BOP1: variants seen among roughly 807,000 people sequenced by gnomAD.
BOP1 encodes BOP1 ribosomal biogenesis factor.
A neutral mutation model predicts 82.9 loss-of-function variants in BOP1; 54 were observed. The observed-to-expected ratio is 0.65, with a 90% CI of 0.52 to 0.82. The LOEUF (loss-of-function observed/expected upper bound fraction) is 0.82. BOP1 is among the 40% of genes least tolerant of loss of function. BOP1 has a pLI of 0.00. For synonymous variants in BOP1, 566 were observed against 451.1 expected (o/e 1.25, Z -3.23); for missense variants, 1,170 against 1,072.0 (o/e 1.09, Z -1.28).
At chr8:144,265,112 G>C in intron 3 of BOP1, 41 bp from the exon 4 acceptor site, 1 of 1,589,972 alleles carries the variant, frequency 6.3e-7, no homozygotes, top group Admixed American at 1.7e-5. Context: ...GATCCTACAA[G>C]GCCCACCCCC....
intron 3 of BOP1, chr8:144,266,699 G>T: frequency 8.1e-7 from 1 of 1,230,870 alleles, no homozygotes. Flanking sequence ...GAGGACCGCG[G>T]CAGCGACAGC....
rs921696334 is a variant in BOP1 at position 144,264,841 on chromosome 8, G to A, written c.546-10C>T. The A allele has an allele frequency of 5.2e-5, 83 of 1,608,670 alleles. No homozygotes were observed. Among genetic ancestry groups the A allele is most frequent in the East Asian group, 3.8e-4 (17 of 44,792 alleles). ...GTCCTGCACGGTGCGCCTGGAGACCGCCAGTCAGACCCCGCCAGCCCTGCC... is the reference window on the plus strand; with the variant it reads ...GTCCTGCACGGTGCGCCTGGAGACCACCAGTCAGACCCCGCCAGCCCTGCC... On this transcript the variant is annotated splice_polypyrimidine_tract_variant and intron_variant, in intron 4 of 15. Coordinates refer to ENST00000569669, the MANE Select transcript of BOP1 (RefSeq NM_015201.5).
chr8:144,284,301 C>T (rs1554839231), intron 2 of BOP1, among the ~76,000 whole-genome samples: 1 of 151,316 alleles, frequency 6.6e-6, no homozygotes, highest in African/African-American at 2.4e-5. Flanking sequence ...CTGTCTCAAA[C>T]AAAAAAAAGC....
At chr8:144,273,465 C>A (rs1309844125) in intron 3 of BOP1, among the ~76,000 whole-genome samples, 3 of 152,246 alleles carry the variant, frequency 2.0e-5, no homozygotes, top group African/African-American at 7.2e-5. Context: ...CAGAGGGCGG[C>A]TCCTCCGGCC....
chr8:144,264,569 G>A lies in BOP1; in HGVS notation c.711C>T (p.Thr237=). 2 of 1,609,362 alleles carry A rather than the reference G, an allele frequency of 1.2e-6. No homozygotes were observed. The highest frequency in any genetic ancestry group is 1.7e-6 in the Non-Finnish European group (2 of 1,178,522). The part of the protein sequence containing the change: ...FSGDVMIHPV[T]NRPADKRSFI... ...AGCTGCGCTTGTCGGCCGGGCGGTT[G>A]GTCACCGGGTGGATCATGACGTCCC... is the stretch of plus-strand genomic sequence containing the variant. The change falls in exon 6 of 16, where the codon ACC becomes ACT. Residue 237 remains threonine, a synonymous_variant. Transcript: ENST00000569669.
chr8:144,267,262 A>G, intron 3 of BOP1: 1 of 1,408,294 alleles, frequency 7.1e-7, no homozygotes, highest in Admixed American at 2.8e-5. Context: ...AGGCGAGGCC[A>G]CACGGGCAGG....
At chr8:144,267,119 A>C (rs1588591599) in intron 3 of BOP1, 3 of 1,474,138 alleles carry the variant, frequency 2.0e-6, no homozygotes, top group African/African-American at 2.9e-5. Flanking sequence ...CCCGCCCGCG[A>C]CGGCGAGAAC....
chr8:144,273,893 T>G (rs1845532197), intron 3 of BOP1, among the ~76,000 whole-genome samples: 1 of 152,116 alleles, frequency 6.6e-6, no homozygotes, highest in Non-Finnish European at 1.5e-5. Context: ...CCTGCGCACC[T>G]GGGGGAGGGG....
intron 3 of BOP1, among the ~76,000 whole-genome samples, chr8:144,274,077 A>G (rs1259730365): frequency 6.6e-6 from 1 of 152,096 alleles, no homozygotes; most frequent in Non-Finnish European, 1.5e-5. Context: ...GTAGGTGGGC[A>G]GGGGGTGGCA....
chr8:144,269,325 G>A (rs1845451692), intron 3 of BOP1, among the ~76,000 whole-genome samples: 3 of 152,228 alleles, frequency 2.0e-5, no homozygotes, highest in African/African-American at 7.2e-5. Flanking sequence ...GTGGACAATG[G>A]CTGATGGTGC....
chr8:144,267,082 AGCCCCCCGCCGCC>A, intron 3 of BOP1: 1 of 1,382,984 alleles, frequency 7.2e-7, no homozygotes, highest in Non-Finnish European at 9.3e-7. Context: ...GCGCGCCGGC[AGCCCCCCGCCGCC>A]GCCCCCGCCG....
chr8:144,262,133 C>T lies in BOP1; in HGVS notation c.*31G>A, dbSNP rs949392330. ...GGTAAAGGCTCTGTTGACTTCAGCA[C>T]GACCACCCCAGCCCCAGGCAGGCAG... On this transcript the variant is annotated 3_prime_UTR_variant, in exon 16 of 16. Coordinates refer to ENST00000569669, the MANE Select transcript of BOP1 (RefSeq NM_015201.5). 23 of 1,611,200 alleles carry T rather than the reference C, an allele frequency of 1.4e-5. No homozygotes were observed. In the African/African-American group the frequency reaches 1.6e-4, roughly 11 times the overall value.
rs1238017215 is a variant in BOP1 at position 144,263,868 on chromosome 8, G to C, written c.1184C>G (p.Pro395Arg). The C allele has an allele frequency of 2.5e-5, 41 of 1,611,400 alleles. 3 individuals are homozygous for C. The South Asian group carries it at 4.2e-4, about 16-fold the overall frequency. The change falls in exon 9 of 16, where the codon CCG becomes CGG. Residue 395 changes from proline (P) to arginine (R), a missense_variant. By Grantham distance (103) the Pro-to-Arg change is moderately radical. Coordinates refer to ENST00000569669, the MANE Select transcript of BOP1 (RefSeq NM_015201.5). Reference protein sequence around the residue: ...PEDLIPKLPRPRDLQPFPTCQ... With the variant: ...PEDLIPKLPRRRDLQPFPTCQ... ...CGTGGGGAAGGGCTGCAGGTCCCTC[G>C]GCCGAGGCAGCTTGGGGATGAGGTC...
chr8:144,264,378 G>T lies in BOP1; in HGVS notation c.825C>A (p.Asp275Glu). ...MGWIQPRRPR[D>E]PTPSFYDLWA... is the part of the protein sequence containing the mutation. ...ACAGGTCATAGAAGCTGGGGGTGGG[G>T]TCTCGGGGCCGGCGAGGCTGGATCC... Residue 275 changes from aspartate to glutamate, a missense_variant, in exon 7 of 16, where the codon GAC becomes GAA. Physicochemically the swap from Asp to Glu is conservative, Grantham distance 45. Coordinates refer to ENST00000569669, the MANE Select transcript of BOP1 (RefSeq NM_015201.5). The T allele has an allele frequency of 6.2e-7, 1 of 1,603,764 alleles. No individual in the cohort carries two copies. The highest frequency in any genetic ancestry group is 1.1e-5 in the South Asian group (1 of 91,058).
chr8:144,262,818 C>T (rs1437392362), intron 13 of BOP1, 35 bp downstream of exon 13: 44 of 1,092,208 alleles, frequency 4.0e-5, no homozygotes, highest in Middle Eastern at 3.2e-4. Flanking sequence ...CCCCCCCACC[C>T]CTCACCTGCA....
At chr8:144,274,503 C>G (rs1416627317) in intron 3 of BOP1, among the ~76,000 whole-genome samples, 1 of 152,374 alleles carries the variant, frequency 6.6e-6, no homozygotes, top group African/African-American at 2.4e-5. Context: ...CAGGCAGATG[C>G]GCACTTCTCT....
intron 2 of BOP1, among the ~76,000 whole-genome samples, chr8:144,283,760 G>A (rs1209034708): frequency 6.6e-6 from 1 of 152,246 alleles, no homozygotes; most frequent in Non-Finnish European, 1.5e-5. Flanking sequence ...GCAGCTGAGG[G>A]GCGGCTGCAG....
intron 2 of BOP1, among the ~76,000 whole-genome samples, chr8:144,285,828 C>A (rs917178703): frequency 2.6e-5 from 4 of 152,244 alleles, no homozygotes; most frequent in African/African-American, 9.6e-5. Context: ...CCCCGTGGAC[C>A]CACGATGCGA....
chr8:144,264,575 C>G lies in BOP1; in HGVS notation c.705G>C (p.Pro235=). Residue 235 remains proline, a synonymous_variant, in exon 6 of 16, where the codon CCG becomes CCC. Transcript: ENST00000569669. ...GCTTGTCGGCCGGGCGGTTGGTCAC[C>G]GGGTGGATCATGACGTCCCCGCTGA... The part of the protein sequence containing the change: ...DFFSGDVMIH[P]VTNRPADKRS... 6.2e-7 allele frequency: 1 copy of G among 1,608,854 alleles called. No individual in the cohort carries two copies. Among genetic ancestry groups the G allele is most frequent in the East Asian group, 2.2e-5 (1 of 44,784 alleles).
Sources: allele counts gnomAD v4.1 joint callset (sites outside exome capture counted in the v4.1 genomes callset), GRCh38; gene constraint gnomAD v4.1.1; transcripts MANE v1.5; gene names NCBI Gene and HGNC (gene_info 2026-07-23, HGNC 2026-07-21).